FHIT: variants seen among roughly 807,000 people sequenced by gnomAD.
FHIT encodes the protein fragile histidine triad diadenosine triphosphatase.
FHIT carries 19 observed loss-of-function variants against 17.9 expected under a neutral mutation model. The observed-to-expected ratio is 1.06, with a 90% CI of 0.74 to 1.56. The LOEUF is 1.56. FHIT is among the 40% of genes most tolerant of loss of function. The pLI is 0.00. For synonymous variants in FHIT, 81 were observed against 69.7 expected (o/e 1.16, Z -0.81); for missense variants, 248 against 189.2 (o/e 1.31, Z -1.82).
intron 5 of FHIT, among the ~76,000 whole-genome samples, chr3:60,459,960 C>G (rs965509211): frequency 2.6e-5 from 4 of 152,092 alleles, no homozygotes; most frequent in African/African-American, 9.7e-5. Context: ...ATATGCCCAC[C>G]AGACAAGATG....
chr3:59,789,508 T>A (rs1450481620), intron 8 of FHIT, among the ~76,000 whole-genome samples: 2 of 152,252 alleles, frequency 1.3e-5, no homozygotes, highest in Non-Finnish European at 2.9e-5. Flanking sequence ...AAGGTTTACA[T>A]CTTATTCTCA....
intron 5 of FHIT, among the ~76,000 whole-genome samples, chr3:60,347,220 C>T (rs752584403): frequency 6.6e-6 from 1 of 152,000 alleles, no homozygotes; most frequent in Non-Finnish European, 1.5e-5. Flanking sequence ...TTTGCATTGT[C>T]TACAAAGCCA....
intron 2 of FHIT, among the ~76,000 whole-genome samples, chr3:61,111,797 A>G (rs1412458750): frequency 6.6e-6 from 1 of 152,214 alleles, no homozygotes. Flanking sequence ...ATACATATGT[A>G]CGTATGTGCA....
chr3:59,793,584 C>T (rs960916966), intron 8 of FHIT, among the ~76,000 whole-genome samples: 1 of 152,160 alleles, frequency 6.6e-6, no homozygotes, highest in African/African-American at 2.4e-5. Context: ...ACTGCCTCCC[C>T]AGAAGCTCAG....
intron 2 of FHIT, among the ~76,000 whole-genome samples, chr3:61,188,513 G>A (rs2038600682): frequency 6.6e-6 from 1 of 152,184 alleles, no homozygotes. Flanking sequence ...ACAAGGAGGA[G>A]CTAGTACCAG....
At chr3:60,209,737 T>C (rs1004883051) in intron 5 of FHIT, among the ~76,000 whole-genome samples, 3 of 152,086 alleles carry the variant, frequency 2.0e-5, no homozygotes, top group East Asian at 1.9e-4. Flanking sequence ...ATATACACCA[T>C]GGAATAGTAC....
At chr3:60,448,842 T>C (rs2031523174) in intron 5 of FHIT, among the ~76,000 whole-genome samples, 1 of 152,194 alleles carries the variant, frequency 6.6e-6, no homozygotes, top group African/African-American at 2.4e-5. Flanking sequence ...TCTTTATAGC[T>C]AGTTGAAATG....
chr3:60,831,594 T>G (rs1428504476), intron 3 of FHIT, among the ~76,000 whole-genome samples: 3 of 150,252 alleles, frequency 2.0e-5, no homozygotes, highest in East Asian at 1.9e-4. Flanking sequence ...AGCTTCAGAC[T>G]TAGTTCATAT....
intron 5 of FHIT, among the ~76,000 whole-genome samples, chr3:60,036,084 G>T (rs1007232050): frequency 6.6e-6 from 1 of 152,202 alleles, no homozygotes; most frequent in South Asian, 2.1e-4. Flanking sequence ...GAAGTTAGGT[G>T]CTTAGTCCAA....
chr3:60,188,559 T>C (rs1702264038), intron 5 of FHIT, among the ~76,000 whole-genome samples: 1 of 152,178 alleles, frequency 6.6e-6, no homozygotes, highest in Non-Finnish European at 1.5e-5. Context: ...TGGACACAGA[T>C]TTTGTGAAGT....
intron 5 of FHIT, among the ~76,000 whole-genome samples, chr3:60,514,921 A>C (rs1475738796): frequency 6.6e-6 from 1 of 151,952 alleles, no homozygotes; most frequent in East Asian, 1.9e-4. Flanking sequence ...TCTCACTCAG[A>C]GGAGTCCCTG....
At chr3:60,287,142 T>C (rs951191427) in intron 5 of FHIT, among the ~76,000 whole-genome samples, 1 of 152,178 alleles carries the variant, frequency 6.6e-6, no homozygotes, top group Non-Finnish European at 1.5e-5. Context: ...CCTACCTATC[T>C]GTTAAGTTTA....
intron 4 of FHIT, among the ~76,000 whole-genome samples, chr3:60,657,393 C>T (rs539095557): frequency 1.5e-4 from 23 of 152,158 alleles, no homozygotes; most frequent in Non-Finnish European, 2.9e-4. Flanking sequence ...GAAACACTGA[C>T]CTCAAATGGG....
At chr3:59,894,253 A>T (rs935280967) in intron 8 of FHIT, among the ~76,000 whole-genome samples, 3 of 152,176 alleles carry the variant, frequency 2.0e-5, no homozygotes, top group Non-Finnish European at 4.4e-5. Flanking sequence ...TCAAAAAACA[A>T]ACAAACAAAA....
At chr3:60,770,173 G>A (rs1295345276) in intron 4 of FHIT, among the ~76,000 whole-genome samples, 2 of 152,022 alleles carry the variant, frequency 1.3e-5, no homozygotes, top group African/African-American at 4.8e-5. Context: ...AAGCATTGAG[G>A]GTTTCCTGGA....
chr3:60,016,009 A>T (rs138565382), intron 5 of FHIT, among the ~76,000 whole-genome samples: 1 of 152,234 alleles, frequency 6.6e-6, no homozygotes, highest in Non-Finnish European at 1.5e-5. Flanking sequence ...GTTTTAAAAT[A>T]ATATCACAGA....
chr3:61,108,839 C>T (rs1307540375), intron 2 of FHIT, among the ~76,000 whole-genome samples: 2 of 152,166 alleles, frequency 1.3e-5, no homozygotes, highest in African/African-American at 4.8e-5. Context: ...CACTCTCAGT[C>T]CCTATAATGG....
At chr3:59,985,497 T>G (rs1708855712) in intron 7 of FHIT, among the ~76,000 whole-genome samples, 1 of 152,118 alleles carries the variant, frequency 6.6e-6, no homozygotes, top group Non-Finnish European at 1.5e-5. Context: ...GTAAAGCAAT[T>G]TTACATTGAA....
At chr3:60,672,874 C>CGCGTGTGTGTGT (rs1553694314) in intron 4 of FHIT, among the ~76,000 whole-genome samples, 2 of 139,478 alleles carry the variant, frequency 1.4e-5, no homozygotes, top group African/African-American at 5.3e-5. Context: ...CTCTTTGTAG[C>CGCGTGTGTGTGT]GTGTGTGTGT....
Sources: gnomAD v4.1 joint callset for allele counts (sites outside exome capture counted in the v4.1 genomes callset) on GRCh38, gnomAD v4.1.1 for gene constraint, MANE v1.5 for transcripts, NCBI Gene and HGNC (gene_info 2026-07-23, HGNC 2026-07-21) for gene names.